The following PID1 variants were observed in gnomAD, a reference collection of about 807,000 sequenced individuals.
PID1 encodes the protein PTB-containing, cubilin and LRP1-interacting protein.
Under a neutral mutation model 19.1 loss-of-function variants are expected in PID1, and 10 were observed. That is an observed-to-expected ratio of 0.52 (90% CI 0.32 to 0.89). The LOEUF (loss-of-function observed/expected upper bound fraction) is 0.89, where lower values mean the gene tolerates loss of function less well. PID1 is among the 40% of genes least tolerant of loss of function. PID1 has a pLI of 0.03. For missense variants in PID1, 248 were observed against 285.3 expected (o/e 0.87, Z 0.94); for synonymous variants, 130 against 116.0 (o/e 1.12, Z -0.78).
intron 2 of PID1, among the ~76,000 whole-genome samples, chr2:229,054,728 G>C (rs571278106): frequency 8.1e-6 from 1 of 122,756 alleles, no homozygotes; most frequent in Non-Finnish European, 1.8e-5. Context: ...GTGGGGGGGG[G>C]GGGGGGTCTG....
chr2:229,214,342 C>T (rs955837763), intron 1 of PID1, among the ~76,000 whole-genome samples: 1 of 152,104 alleles, frequency 6.6e-6, no homozygotes, highest in Admixed American at 6.5e-5. Flanking sequence ...ATCCCCCATC[C>T]GGAGCAAGCA....
rs544687152 is a variant in PID1 at position 229,202,498 on chromosome 2, G to T, written c.31-46534C>A. Among the ~76,000 whole-genome samples the T allele has an allele frequency of 6.6e-5, 10 of 152,150 alleles. No individual in the cohort carries two copies. The East Asian group carries it at 1.7e-3, about 26-fold the overall frequency. On this transcript the variant is annotated intron_variant, in intron 1 of 2. Coordinates refer to ENST00000392055, the MANE Select transcript of PID1 (RefSeq NM_001100818.2). The stretch of plus-strand genomic sequence containing the variant: ...GCAGGTAAGGGGTTTGGCATGAGCT[G>T]AAAACTTCCAGGAGCATTGTACTGG...
intron 1 of PID1, among the ~76,000 whole-genome samples, chr2:229,224,846 A>C (rs1433049974): frequency 8.4e-6 from 1 of 119,648 alleles, no homozygotes; most frequent in African/African-American, 3.1e-5. Context: ...AAAAAAAAAA[A>C]AACCTATATT....
rs143768255 is a variant in PID1, at chr2:229,124,982, C to A, written c.177+30836G>T. 2.6e-5 allele frequency among the ~76,000 whole-genome samples: 4 copies of A among 152,076 alleles called. No homozygotes were observed. The South Asian group carries it at 6.2e-4, about 24-fold the overall frequency. On this transcript the variant is annotated intron_variant, in intron 2 of 2. Coordinates refer to ENST00000392055, the MANE Select transcript of PID1 (RefSeq NM_001100818.2). ...TTGAACTTAAGGCTAAATGTCTATA[C>A]GTGTGTGAGTGTGTGTCTGTTGGTA...
chr2:229,163,876 A>C (rs552194674), intron 1 of PID1, among the ~76,000 whole-genome samples: 55 of 152,348 alleles, frequency 3.6e-4, no homozygotes, highest in Non-Finnish European at 5.7e-4. Context: ...ATTGTTAAAC[A>C]TGGGTTACAA....
intron 2 of PID1, among the ~76,000 whole-genome samples, chr2:229,052,906 T>C (rs1694024655): frequency 6.6e-6 from 1 of 152,198 alleles, no homozygotes; most frequent in Admixed American, 6.5e-5. Flanking sequence ...ATTTTTTAAA[T>C]AAAAAGCTCC....
intron 1 of PID1, among the ~76,000 whole-genome samples, chr2:229,184,386 CGT>C (rs1691046414): frequency 2.0e-5 from 2 of 102,506 alleles, no homozygotes; most frequent in Non-Finnish European, 3.9e-5. Context: ...ATATCTATCC[CGT>C]ATATATCTAT....
At chr2:229,046,187 TAAAC>T (rs1442493373) in intron 2 of PID1, among the ~76,000 whole-genome samples, 1 of 152,102 alleles carries the variant, frequency 6.6e-6, no homozygotes, top group East Asian at 1.9e-4. Context: ...ATTAAAAAAA[TAAAC>T]AAGATGAAAG....
chr2:229,166,964 AGGAAGG>A (rs57225131), intron 1 of PID1, among the ~76,000 whole-genome samples: 40,627 of 145,730 alleles, frequency 0.28, 6,061 homozygotes, highest in Non-Finnish European at 0.36. Context: ...AAGAAAAGAA[AGGAAGG>A]GGAAGGGGAA....
chr2:229,106,381 T>C (rs947411868), intron 2 of PID1, among the ~76,000 whole-genome samples: 11 of 152,228 alleles, frequency 7.2e-5, no homozygotes, highest in African/African-American at 2.7e-4. Flanking sequence ...CATCTCTTAC[T>C]GTGCTCTGCA....
rs144419086 is a variant in PID1, at chr2:229,049,131, C to A, written c.178-23023G>T. Reference sequence around the variant, plus strand: ...TTTCAGAAATAATTTTCCCATCTTTCTTTCCAATAGCTACATGGGAGACTC... The same window carrying A: ...TTTCAGAAATAATTTTCCCATCTTTATTTCCAATAGCTACATGGGAGACTC... On this transcript the variant is annotated intron_variant, in intron 2 of 2. Coordinates refer to ENST00000392055, the MANE Select transcript of PID1 (RefSeq NM_001100818.2). Among the ~76,000 whole-genome samples, 10 of 152,180 alleles carry A rather than the reference C, an allele frequency of 6.6e-5. 1 individual carries two copies. The East Asian group carries it at 1.9e-3, about 29-fold the overall frequency.
chr2:229,122,705 T>C lies in PID1; in HGVS notation c.177+33113A>G, dbSNP rs114339142. On this transcript the variant is annotated intron_variant, in intron 2 of 2. Coordinates refer to ENST00000392055, the MANE Select transcript of PID1 (RefSeq NM_001100818.2). ...TGGATATCAGGATTGAGGACTTTCA[T>C]ACAGCATTTCAAACAAGTTTATTAG... is the stretch of plus-strand genomic sequence containing the variant. Among the ~76,000 whole-genome samples, 900 of 152,308 alleles carry C rather than the reference T, an allele frequency of 5.9e-3. 8 individuals carry two copies. The highest frequency in any genetic ancestry group is 0.02 in the African/African-American group (823 of 41,560).
chr2:229,106,314 G>C (rs192573852), intron 2 of PID1, among the ~76,000 whole-genome samples: 1 of 152,246 alleles, frequency 6.6e-6, no homozygotes, highest in Admixed American at 6.5e-5. Flanking sequence ...CACTTTGAGA[G>C]CAGAGACTAT....
chr2:229,132,500 C>G (rs886756123), intron 2 of PID1, among the ~76,000 whole-genome samples: 2 of 152,182 alleles, frequency 1.3e-5, no homozygotes, highest in Non-Finnish European at 2.9e-5. Flanking sequence ...GCTTGGATTG[C>G]TAGAACTTCA....
intron 2 of PID1, among the ~76,000 whole-genome samples, chr2:229,114,139 C>CTCTCTCTT (rs1695361078): frequency 6.7e-6 from 1 of 148,910 alleles, no homozygotes; most frequent in Non-Finnish European, 1.5e-5. Flanking sequence ...CTCTCTTTCT[C>CTCTCTCTT]TCTCTCTCTC....
intron 2 of PID1, among the ~76,000 whole-genome samples, chr2:229,090,893 A>C (rs959290260): frequency 3.9e-5 from 6 of 152,190 alleles, no homozygotes; most frequent in African/African-American, 1.4e-4. Context: ...TGATGGGAGT[A>C]AAACAGAGAA....
Position 229,118,234 on chromosome 2 carries a change from A to G in PID1, c.177+37584T>C, listed in dbSNP as rs182659667. Among the ~76,000 whole-genome samples, 5 of 152,352 alleles carry G rather than the reference A, an allele frequency of 3.3e-5. No homozygotes were observed. The East Asian group carries it at 9.7e-4, about 29-fold the overall frequency. On this transcript the variant is annotated intron_variant, in intron 2 of 2. Transcript: ENST00000392055. ...CTCTTTTTATCCTCCAAATGTAGACACAGAATAATGACAGGAAATGGAAAG... is the reference window on the plus strand; with the variant it reads ...CTCTTTTTATCCTCCAAATGTAGACGCAGAATAATGACAGGAAATGGAAAG...
chr2:229,042,397 A>G (rs1693789646), intron 2 of PID1, among the ~76,000 whole-genome samples: 1 of 152,234 alleles, frequency 6.6e-6, no homozygotes, highest in Admixed American at 6.5e-5. Context: ...GAAGATTTTC[A>G]TGAGCATATA....
chr2:229,129,936 C>T (rs1275874067), intron 2 of PID1, among the ~76,000 whole-genome samples: 1 of 152,138 alleles, frequency 6.6e-6, no homozygotes, highest in Admixed American at 6.5e-5. Flanking sequence ...CCAGCAACAT[C>T]GCTCACACAA....
Sources: allele counts gnomAD v4.1 joint callset (sites outside exome capture counted in the v4.1 genomes callset), GRCh38; gene constraint gnomAD v4.1.1; transcripts MANE v1.5; gene names NCBI Gene and HGNC (gene_info 2026-07-23, HGNC 2026-07-21).